The following C5 variants were observed in gnomAD, a reference collection of about 807,000 sequenced individuals.
The protein encoded by C5 is C3 and PZP-like alpha-2-macroglobulin domain-containing protein 4.
In C5, 140 loss-of-function variants were observed where a neutral mutation model predicts 218.8. The ratio of observed to expected loss-of-function variants is 0.64; its 90% CI spans 0.56 to 0.74. The LOEUF (loss-of-function observed/expected upper bound fraction) is 0.74. Among genes scored for constraint, C5 ranks in the 30% least tolerant of loss-of-function variants. C5 has a pLI of 0.00. For synonymous variants in C5, 614 were observed against 682.3 expected (o/e 0.90, Z 1.56); for missense variants, 1,700 against 1,969.6 (o/e 0.86, Z 2.59).
rs2046793859 is a variant in C5, at chr9:120,957,356, C to T, written c.4691G>A (p.Ser1564Asn). ...ATTTTCTACAGTGATGGATGTGATG[C>T]TAACTTTATAAGCTGGCAAAAGACA... is the stretch of plus-strand genomic sequence containing the variant. ...KPEIAYAYKV[S>N]ITSITVENVF... Residue 1564 changes from serine to asparagine, a missense_variant, in exon 39 of 41, where the codon AGC (serine) becomes AAC (asparagine). Transcript: ENST00000223642. 2 of 1,612,292 alleles carry T rather than the reference C, an allele frequency of 1.2e-6. No individual in the cohort carries two copies. Among genetic ancestry groups the T allele is most frequent in the African/African-American group, 1.3e-5 (1 of 74,878 alleles).
chr9:121,045,996 A>G (rs1219691246), intron 2 of C5, among the ~76,000 whole-genome samples, 195 bp downstream of exon 2: 2 of 152,202 alleles, frequency 1.3e-5, no homozygotes, highest in Admixed American at 6.5e-5. Context: ...AAAAGCAGAC[A>G]TAACTTCTGT....
intron 17 of C5, among the ~76,000 whole-genome samples, chr9:121,011,913 T>G (rs181676113): frequency 1.5e-3 from 230 of 152,126 alleles, no homozygotes; most frequent in Non-Finnish European, 2.6e-3. Flanking sequence ...TATTTGTGGG[T>G]GCTAAAAATC....
At position 121,050,159 on chromosome 9, in the gene C5, T is replaced by C. The variant is rs372031245; in HGVS notation, c.65+23A>G. ...GTCATAACTAAGATGCATTGAAAAA[T>C]GAAGATAGCTTGTTTTACTTACGTT... is the stretch of plus-strand genomic sequence containing the variant. On this transcript the variant is annotated intron_variant, in intron 1 of 40. Coordinates refer to ENST00000223642, the MANE Select transcript of C5 (RefSeq NM_001735.3). The C allele has an allele frequency of 2.2e-5, 34 of 1,577,384 alleles. 1 individual carries two copies. Among genetic ancestry groups the C allele is most frequent in the South Asian group, 1.3e-4 (12 of 90,358 alleles).
intron 33 of C5, among the ~76,000 whole-genome samples, chr9:120,968,526 T>G (rs947873100): frequency 4.6e-5 from 7 of 152,212 alleles, no homozygotes; most frequent in African/African-American, 1.2e-4. Flanking sequence ...AACAGGAAAC[T>G]AATACAGTGG....
chr9:120,984,569 C>T (rs1350171973), intron 25 of C5, among the ~76,000 whole-genome samples: 1 of 152,020 alleles, frequency 6.6e-6, no homozygotes. Flanking sequence ...TATAAAGATG[C>T]TTTAGTTACA....
the C5 span, among the ~76,000 whole-genome samples, chr9:121,073,210 A>C: frequency 2.0e-5 from 3 of 152,158 alleles, no homozygotes; most frequent in Non-Finnish European, 4.4e-5. Context: ...GAACTACTTC[A>C]TGTTTCCATA....
intron 37 of C5, 48 bp from the exon 38 acceptor site, chr9:120,960,385 GA>G (rs748178360): frequency 8.0e-7 from 1 of 1,249,324 alleles, no homozygotes; most frequent in Non-Finnish European, 1.2e-6. Context: ...GAAAGAAGTA[GA>G]CACTCTTTCC....
At chr9:120,991,097 CG>C (rs1271408007) in intron 23 of C5, 93 bp downstream of exon 23, 1 of 824,766 alleles carries the variant, frequency 1.2e-6, no homozygotes, top group Non-Finnish European at 2.1e-6. Context: ...CTACTGAACA[CG>C]GAAGTGGAGA....
chr9:121,061,639 G>A, the C5 span, among the ~76,000 whole-genome samples: 1 of 152,200 alleles, frequency 6.6e-6, no homozygotes, highest in Admixed American at 6.5e-5. Flanking sequence ...TAAATAAAGG[G>A]AAATTAATAA....
chr9:120,965,667 T>A (rs1189847195), intron 33 of C5, among the ~76,000 whole-genome samples: 1 of 152,152 alleles, frequency 6.6e-6, no homozygotes, highest in African/African-American at 2.4e-5. Flanking sequence ...TTCACCAAAT[T>A]AACAATTTAG....
intron 2 of C5, among the ~76,000 whole-genome samples, chr9:121,045,083 G>A (rs2047615914): frequency 6.6e-6 from 1 of 151,486 alleles, no homozygotes; most frequent in Non-Finnish European, 1.5e-5. Flanking sequence ...CCGAGTAGCT[G>A]GGATTACAGG....
chr9:121,030,512 T>C (rs1323229609), intron 6 of C5, 25 bp from the exon 7 acceptor site: 1 of 1,377,312 alleles, frequency 7.3e-7, no homozygotes, highest in Admixed American at 2.0e-5. Flanking sequence ...AAACAGGTAA[T>C]ATTACCATTT....
intron 22 of C5, among the ~76,000 whole-genome samples, chr9:120,991,847 T>C (rs928674767): frequency 1.3e-5 from 2 of 152,242 alleles, no homozygotes; most frequent in Admixed American, 1.3e-4. Flanking sequence ...GTACCAAGCA[T>C]GCTACTAAGT....
At chr9:120,966,838 T>G (rs1183709398) in intron 33 of C5, among the ~76,000 whole-genome samples, 1 of 151,956 alleles carries the variant, frequency 6.6e-6, no homozygotes, top group Non-Finnish European at 1.5e-5. Context: ...TAGGGCTGAA[T>G]AGTGAAGGAA....
chr9:121,062,131 T>G, the C5 span, among the ~76,000 whole-genome samples: 41 of 152,178 alleles, frequency 2.7e-4, no homozygotes, highest in Non-Finnish European at 5.1e-4. Context: ...CCTGTTCCAA[T>G]GGAGAATGTG....
chr9:120,977,964 TA>T (rs1356631101), intron 28 of C5, among the ~76,000 whole-genome samples: 6 of 152,274 alleles, frequency 3.9e-5, no homozygotes, highest in Admixed American at 2.0e-4. Flanking sequence ...AAAGATTTTG[TA>T]AACTAGAAAG....
At chr9:121,052,133 T>G (rs1050038225), upstream of C5, among the ~76,000 whole-genome samples, 38 of 152,208 alleles carry the variant, frequency 2.5e-4, no homozygotes, top group African/African-American at 8.9e-4. Context: ...AGTCAAAATT[T>G]TTTATCTACC....
At position 121,036,436 on chromosome 9, in the gene C5, C is replaced by T. The variant is rs185359883; in HGVS notation, c.492+1445G>A. On this transcript the variant is annotated intron_variant, in intron 4 of 40. Coordinates refer to ENST00000223642, the MANE Select transcript of C5 (RefSeq NM_001735.3). ...ATGATTCTGCATCACTTAAGTTCAACCATGAAGACGTTGGATAAAGAGCAT... is the reference window on the plus strand; with the variant it reads ...ATGATTCTGCATCACTTAAGTTCAATCATGAAGACGTTGGATAAAGAGCAT... Among the ~76,000 whole-genome samples, 135 of 152,276 alleles carry T rather than the reference C, an allele frequency of 8.9e-4. 1 individual carries two copies. Among genetic ancestry groups the T allele is most frequent in the African/African-American group, 3.0e-3 (125 of 41,558 alleles).
In C5 at chr9:120,992,994, C is replaced by T. The variant is rs1030338941; in HGVS notation, c.2852-1714G>A. Among the ~76,000 whole-genome samples, 9 of 152,056 alleles carry T rather than the reference C, an allele frequency of 5.9e-5. No individual in the cohort carries two copies. In the South Asian group the frequency reaches 1.0e-3, roughly 18 times the overall value. On this transcript the variant is annotated intron_variant, in intron 22 of 40. Coordinates refer to ENST00000223642, the MANE Select transcript of C5 (RefSeq NM_001735.3). Reference sequence around the variant, plus strand: ...ATAACCCAAATAGAAAATTTAAAAACGTGCAAAAGATATGAATAGGCAATT... The same window carrying T: ...ATAACCCAAATAGAAAATTTAAAAATGTGCAAAAGATATGAATAGGCAATT...
Sources: allele counts gnomAD v4.1 joint callset (sites outside exome capture counted in the v4.1 genomes callset), GRCh38; gene constraint gnomAD v4.1.1; transcripts MANE v1.5; gene names NCBI Gene and HGNC (gene_info 2026-07-23, HGNC 2026-07-21).